GFAP: variants seen among roughly 807,000 people sequenced by gnomAD.
GFAP encodes the protein glial fibrillary acidic protein.
A neutral mutation model predicts 49.3 loss-of-function variants in GFAP; 38 were observed. The observed-to-expected ratio is 0.77, with a 90% CI of 0.60 to 1.01. The LOEUF (loss-of-function observed/expected upper bound fraction) is 1.01. Ranked by LOEUF, GFAP falls within the 50% of genes least tolerant of loss-of-function variation. The pLI is 0.00. For missense variants in GFAP, 463 were observed against 579.1 expected (o/e 0.80, Z 2.06); for synonymous variants, 222 against 236.4 (o/e 0.94, Z 0.56).
rs1041469281 is a variant in GFAP, at chr17:44,903,926, C to T, written c.*3421G>A. On this transcript the variant is annotated 3_prime_UTR_variant, in exon 9 of 9. Transcript: ENST00000588735. ...AAACATTTTTCAGAGGACCCCCTGC[C>T]CTGCTTTCCTGATGTTTGAAAATGC... 48 of 1,550,430 alleles carry T rather than the reference C, an allele frequency of 3.1e-5. No individual in the cohort carries two copies. Among genetic ancestry groups the T allele is most frequent in the African/African-American group, 5.5e-5 (4 of 72,992 alleles).
intron 7 of GFAP, chr17:44,909,875 G>T (rs775114614): frequency 1.1e-4 from 141 of 1,310,570 alleles, no homozygotes; most frequent in Non-Finnish European, 1.3e-4. Flanking sequence ...AGAGGCTGCT[G>T]CTTGCTCAGA....
At chr17:44,914,415 A>G (rs1355351337) in intron 1 of GFAP, 3 of 359,362 alleles carry the variant, frequency 8.3e-6, no homozygotes, top group East Asian at 5.4e-5. Flanking sequence ...GAAGGCACAC[A>G]TGCATGTCCT....
chr17:44,907,024 G>T lies in GFAP; in HGVS notation c.*323C>A. 2.1e-6 allele frequency: 1 copy of T among 465,224 alleles called. No individual in the cohort carries two copies. Among genetic ancestry groups the T allele is most frequent in the Non-Finnish European group, 4.0e-6 (1 of 250,776 alleles). 28.8% of individuals were successfully genotyped at this position (465,224 alleles called of 1,614,324 possible). On this transcript the variant is annotated 3_prime_UTR_variant, in exon 9 of 9. Transcript: ENST00000588735. ...AATCAGGGATGTGGAGGGCGATGTAGTAGGTGCCCCCCGCCCTCCTCCCCT... is the reference window on the plus strand; with the variant it reads ...AATCAGGGATGTGGAGGGCGATGTATTAGGTGCCCCCCGCCCTCCTCCCCT...
At position 44,903,523 on chromosome 17, in the gene GFAP, G is replaced by A; in HGVS notation, c.*3824C>T. 1.6e-6 allele frequency: 2 copies of A among 1,286,758 alleles called. No individual in the cohort carries two copies. Among genetic ancestry groups the A allele is most frequent in the Non-Finnish European group, 9.8e-7 (1 of 1,020,696 alleles). The allele number at this position is 1,286,758 out of a possible 1,614,324, so 79.7% of individuals were successfully genotyped here. A position where few individuals can be genotyped will look rare whatever the true frequency, so the allele number is the denominator to read the frequency against. ...ACCTCGGCCCGCCCTTCTCATTCCG[G>A]TTTCCTTTGACCCATTCTTGGGTGA... On this transcript the variant is annotated 3_prime_UTR_variant, in exon 9 of 9. Coordinates refer to ENST00000588735, the MANE Select transcript of GFAP (RefSeq NM_002055.5).
rs745675798 is a variant in GFAP, at chr17:44,904,449, C to T, written c.*2898G>A. 1 of 1,542,562 alleles carries T rather than the reference C, an allele frequency of 6.5e-7. No homozygotes were observed. Among genetic ancestry groups the T allele is most frequent in the South Asian group, 1.2e-5 (1 of 83,552 alleles). ...GACCTCTCCCCACGCTACCTCAAGG[C>T]CGTGCCCGATGTGGTGTCTTGTGGC... On this transcript the variant is annotated 3_prime_UTR_variant, in exon 9 of 9. Coordinates refer to ENST00000588735, the MANE Select transcript of GFAP (RefSeq NM_002055.5).
Position 44,903,583 on chromosome 17 carries a change from G to C in GFAP, c.*3764C>G, listed in dbSNP as rs2051598703. On this transcript the variant is annotated 3_prime_UTR_variant, in exon 9 of 9. Coordinates refer to ENST00000588735, the MANE Select transcript of GFAP (RefSeq NM_002055.5). ...TTCTAGAAAGGGGAGTAAAGGCCAG[G>C]TTCTAGAATGGCTTTCCCCCCCCAC... 7.8e-6 allele frequency: 11 copies of C among 1,403,346 alleles called. No individual in the cohort carries two copies. The highest frequency in any genetic ancestry group is 1.7e-5 in the South Asian group (1 of 59,508). The allele number at this position is 1,403,346 out of a possible 1,614,324, so 86.9% of individuals were successfully genotyped here.
At chr17:44,913,163 TG>T in intron 4 of GFAP, 105 bp downstream of exon 4, 1 of 1,124,750 alleles carries the variant, frequency 8.9e-7, no homozygotes, top group Non-Finnish European at 1.3e-6. Flanking sequence ...GTCAGTCACC[TG>T]GAGAGGATAT....
At chr17:44,908,534 A>C (rs1468022346) in intron 7 of GFAP, 1 of 168,502 alleles carries the variant, frequency 5.9e-6, no homozygotes, top group African/African-American at 2.4e-5. Context: ...GTTCGAGACC[A>C]GCCTGGCCAA....
chr17:44,907,693 C>T, intron 8 of GFAP: 1 of 560,232 alleles, frequency 1.8e-6, no homozygotes. Context: ...TTTCCTTTTA[C>T]CAAGCTGGAA....
intron 6 of GFAP, 79 bp downstream of exon 6, chr17:44,911,157 T>C (rs772068177): frequency 2.2e-5 from 28 of 1,287,432 alleles, no homozygotes; most frequent in Non-Finnish European, 3.2e-5. Flanking sequence ...TGAAAAAGAC[T>C]CAGTCCCTGA....
In GFAP at chr17:44,903,680, C is replaced by T. The variant is rs187262845; in HGVS notation, c.*3667G>A. The T allele has an allele frequency of 3.7e-5, 53 of 1,435,324 alleles. No homozygotes were observed. The East Asian group carries it at 5.5e-4, about 15-fold the overall frequency. The allele number at this position is 1,435,324 out of a possible 1,614,324, so 88.9% of individuals were successfully genotyped here. On this transcript the variant is annotated 3_prime_UTR_variant, in exon 9 of 9. Coordinates refer to ENST00000588735, the MANE Select transcript of GFAP (RefSeq NM_002055.5). ...TGGGAATAAATTGCCTTGCACTTGG[C>T]GGCTTCCTCTGCAGATTGTTGCTGC... is the stretch of plus-strand genomic sequence containing the variant.
At chr17:44,913,676 C>G in intron 3 of GFAP, 52 bp downstream of exon 3, 1 of 1,337,548 alleles carries the variant, frequency 7.5e-7, no homozygotes, top group Non-Finnish European at 1.1e-6. Flanking sequence ...GTCTCTCCCT[C>G]TCTCAGTTGC....
chr17:44,908,167 G>A lies in GFAP; in HGVS notation c.1172-18C>T, dbSNP rs1395759290. Reference sequence around the variant, plus strand: ...GCTGGTTTCTGCAGATGTGGGGAGAGGAGGCCTCTCATGGACTTTCAGGGC... The same window carrying A: ...GCTGGTTTCTGCAGATGTGGGGAGAAGAGGCCTCTCATGGACTTTCAGGGC... On this transcript the variant is annotated intron_variant, in intron 7 of 8. Coordinates refer to ENST00000588735, the MANE Select transcript of GFAP (RefSeq NM_002055.5). 1 of 1,577,384 alleles carries A rather than the reference G, an allele frequency of 6.3e-7. No individual in the cohort carries two copies. Among genetic ancestry groups the A allele is most frequent in the Non-Finnish European group, 8.7e-7 (1 of 1,147,182 alleles).
chr17:44,908,202 C>T, intron 7 of GFAP, 53 bp from the exon 8 acceptor site: 2 of 1,248,334 alleles, frequency 1.6e-6, no homozygotes, highest in Non-Finnish European at 1.2e-6. Context: ...CATGAGCCAT[C>T]CTCTCCCATG....
chr17:44,913,952 G>T, intron 2 of GFAP, 76 bp downstream of exon 2: 1 of 1,319,286 alleles, frequency 7.6e-7, no homozygotes, highest in Non-Finnish European at 1.1e-6. Context: ...GGCGGGCTGA[G>T]CTTGGGGGCT....
Position 44,913,316 on chromosome 17 carries a change from T to C in GFAP, c.733A>G (p.Met245Val). The C allele has an allele frequency of 6.2e-7, 1 of 1,614,212 alleles. No homozygotes were observed. The change falls in exon 4 of 9, where the codon ATG (methionine) becomes GTG (valine). Residue 245 changes from methionine to valine, a missense_variant. By Grantham distance (21) the Met-to-Val change is conservative. Coordinates refer to ENST00000588735, the MANE Select transcript of GFAP (RefSeq NM_002055.5). Reference protein sequence around the residue: ...LKEIRTQYEAMASSNMHEAEE... With the variant: ...LKEIRTQYEAVASSNMHEAEE... The stretch of plus-strand genomic sequence containing the variant: ...GCTTCATGCATGTTGCTGGACGCCA[T>C]TGCCTCATACTGCGTGCGGATCTCT...
intron 6 of GFAP, chr17:44,910,998 G>T: frequency 1.6e-6 from 1 of 611,190 alleles, no homozygotes; most frequent in Non-Finnish European, 2.9e-6. Flanking sequence ...TTAGTTTGGA[G>T]GGTGACCCAA....
intron 3 of GFAP, 25 bp downstream of exon 3, chr17:44,913,703 T>C (rs1567776571): frequency 6.5e-7 from 1 of 1,550,138 alleles, no homozygotes; most frequent in East Asian, 2.2e-5. Context: ...TGTGTTGAGC[T>C]TTCCTCCCTC....
In GFAP at chr17:44,905,269, T is replaced by G; in HGVS notation, c.*2078A>C. ...GAGGGGCCTGAGGCTGGTGGGAGAT[T>G]GGGGACTGAGCTCAGGATGGAAGTA... On this transcript the variant is annotated 3_prime_UTR_variant, in exon 9 of 9. Transcript: ENST00000588735. 1.7e-6 allele frequency: 1 copy of G among 592,178 alleles called. No homozygotes were observed. Among genetic ancestry groups the G allele is most frequent in the Non-Finnish European group, 3.1e-6 (1 of 326,010 alleles). 36.7% of individuals were successfully genotyped at this position (592,178 alleles called of 1,614,324 possible).
Sources: allele counts gnomAD v4.1 joint callset, GRCh38; gene constraint gnomAD v4.1.1; transcripts MANE v1.5; gene names NCBI Gene and HGNC (gene_info 2026-07-23, HGNC 2026-07-21).